The following CHRM2 variants were observed in gnomAD, a reference collection of about 807,000 sequenced individuals.
CHRM2 encodes the protein muscarinic acetylcholine receptor M2.
Under a neutral mutation model 25.0 loss-of-function variants are expected in CHRM2, and 8 were observed. The observed-to-expected ratio is 0.32, with a 90% CI of 0.19 to 0.58. CHRM2 has a LOEUF of 0.58. Ranked by LOEUF, CHRM2 falls within the 20% of genes least tolerant of loss-of-function variation. CHRM2 has a pLI of 0.88. For synonymous variants in CHRM2, 202 were observed against 205.7 expected, an observed-to-expected ratio of 0.98 and a Z score of 0.15; for missense variants, 440 against 567.1, an observed-to-expected ratio of 0.78 and a Z score of 2.28.
intron 2 of CHRM2, among the ~76,000 whole-genome samples, chr7:136,928,963 G>A (rs1798899130): frequency 6.6e-6 from 1 of 152,128 alleles, no homozygotes; most frequent in Non-Finnish European, 1.5e-5. Flanking sequence ...TTTGATGAGG[G>A]TGTAAAGCGC....
chr7:136,987,112 C>CT (rs1717593576), intron 2 of CHRM2, among the ~76,000 whole-genome samples: 1 of 143,360 alleles, frequency 7.0e-6, no homozygotes, highest in Admixed American at 7.0e-5. Flanking sequence ...GGTATCCTTT[C>CT]TTTTTTATTT....
At chr7:136,929,032 C>A (rs1452557834) in intron 2 of CHRM2, among the ~76,000 whole-genome samples, 1 of 152,080 alleles carries the variant, frequency 6.6e-6, no homozygotes, top group African/African-American at 2.4e-5. Context: ...GGCTTCCATT[C>A]CCCTCCTCTT....
intron 3 of CHRM2, among the ~76,000 whole-genome samples, chr7:137,004,685 C>T (rs1022153607): frequency 1.3e-5 from 2 of 152,142 alleles, no homozygotes; most frequent in African/African-American, 4.8e-5. Context: ...ACCACATAAA[C>T]CTCTTCATTC....
intron 2 of CHRM2, among the ~76,000 whole-genome samples, chr7:136,885,750 A>G (rs148230499): frequency 7.7e-4 from 117 of 152,334 alleles, no homozygotes; most frequent in African/African-American, 2.7e-3. Context: ...AATCAGAGAC[A>G]TTAAAACTCC....
At chr7:136,958,120 A>G (rs922810874) in intron 2 of CHRM2, among the ~76,000 whole-genome samples, 1 of 152,322 alleles carries the variant, frequency 6.6e-6, no homozygotes, top group South Asian at 2.1e-4. Flanking sequence ...GCAAATTATT[A>G]CCAGCACATT....
intron 2 of CHRM2, among the ~76,000 whole-genome samples, chr7:136,953,322 G>T (rs958238176): frequency 6.6e-6 from 1 of 152,024 alleles, no homozygotes; most frequent in Non-Finnish European, 1.5e-5. Flanking sequence ...TAAATTTCTG[G>T]TAGTGACAAA....
chr7:136,877,308 G>C (rs1796087219), intron 2 of CHRM2, among the ~76,000 whole-genome samples: 1 of 152,020 alleles, frequency 6.6e-6, no homozygotes, highest in Non-Finnish European at 1.5e-5. Flanking sequence ...AGGAAACCTA[G>C]ATACCTGTGT....
intron 2 of CHRM2, among the ~76,000 whole-genome samples, chr7:136,949,425 T>G (rs1800258925): frequency 7.1e-6 from 1 of 140,912 alleles, no homozygotes; most frequent in Non-Finnish European, 1.5e-5. Flanking sequence ...AAGACCAGAT[T>G]GGGCAACATA....
At chr7:136,982,581 G>A (rs909206957) in intron 2 of CHRM2, among the ~76,000 whole-genome samples, 3 of 152,074 alleles carry the variant, frequency 2.0e-5, no homozygotes, top group East Asian at 1.9e-4. Context: ...GGCTGGTACC[G>A]GTTTTTCCTT....
chr7:137,017,816 T>C lies in CHRM2; in HGVS notation c.*1550T>C, dbSNP rs1805260343. 6.6e-6 allele frequency: 1 copy of C among 151,954 alleles called. No homozygotes were observed. The highest frequency in any genetic ancestry group is 2.4e-5 in the African/African-American group (1 of 41,420). The allele number at this position is 151,954 out of a possible 1,614,324, so 9.4% of individuals were successfully genotyped here. A position where few individuals can be genotyped will look rare whatever the true frequency, so the allele number is the denominator to read the frequency against. ...ACCATAATAATCATGTCAGGAACTATTATCTAAGTGGTGGCATTATATAGA... is the reference window on the plus strand; with the variant it reads ...ACCATAATAATCATGTCAGGAACTACTATCTAAGTGGTGGCATTATATAGA... On this transcript the variant is annotated 3_prime_UTR_variant, in exon 4 of 4. Transcript: ENST00000680005.
At chr7:137,010,293 C>T (rs1804716722) in intron 3 of CHRM2, among the ~76,000 whole-genome samples, 2 of 152,136 alleles carry the variant, frequency 1.3e-5, no homozygotes, top group Non-Finnish European at 1.5e-5. Flanking sequence ...AAACTGAGGG[C>T]AGAAACATTG....
At chr7:136,943,507 T>A (rs1156750370) in intron 2 of CHRM2, among the ~76,000 whole-genome samples, 1 of 152,214 alleles carries the variant, frequency 6.6e-6, no homozygotes, top group East Asian at 1.9e-4. Flanking sequence ...ATGAGTTATA[T>A]AATTATGTTA....
At chr7:136,944,479 G>A (rs115908884) in intron 2 of CHRM2, among the ~76,000 whole-genome samples, 34,361 of 123,654 alleles carry the variant, frequency 0.28, 5,066 homozygotes, top group Non-Finnish European at 0.41. Context: ...ATGTATGTGT[G>A]TGTGTGTGTA....
At chr7:136,880,470 T>C (rs945180083) in intron 2 of CHRM2, among the ~76,000 whole-genome samples, 3 of 151,976 alleles carry the variant, frequency 2.0e-5, no homozygotes, top group African/African-American at 7.2e-5. Flanking sequence ...CATTTTAAAA[T>C]TATTATTTCT....
chr7:136,870,625 T>C (rs1335791121), intron 2 of CHRM2: 1 of 152,640 alleles, frequency 6.6e-6, no homozygotes, highest in African/African-American at 2.4e-5. Flanking sequence ...GGCTCTTGCA[T>C]GTACGGAAAT....
intron 2 of CHRM2, among the ~76,000 whole-genome samples, chr7:136,908,222 G>A (rs2350780): frequency 0.64 from 97,703 of 151,666 alleles, 31,979 homozygotes; most frequent in African/African-American, 0.73. Context: ...TATCTTGTAC[G>A]TCCAGCAGAA....
chr7:136,894,169 A>G (rs929373247), intron 2 of CHRM2, among the ~76,000 whole-genome samples: 1 of 152,196 alleles, frequency 6.6e-6, no homozygotes, highest in African/African-American at 2.4e-5. Flanking sequence ...TTAGAATGAT[A>G]AAAACAGAAG....
chr7:137,017,055 A>G lies in CHRM2; in HGVS notation c.*789A>G, dbSNP rs1265612038. The stretch of plus-strand genomic sequence containing the variant: ...TGTGTCCTTTGCATTCGTTGGGGAT[A>G]TCAAGGTCTATAAGGATTTAGTGCA... On this transcript the variant is annotated 3_prime_UTR_variant, in exon 4 of 4. Coordinates refer to ENST00000680005, the MANE Select transcript of CHRM2 (RefSeq NM_001006630.2). 1 of 161,270 alleles carries G rather than the reference A, an allele frequency of 6.2e-6. No individual in the cohort carries two copies. The allele number at this position is 161,270 out of a possible 1,614,324, so 10.0% of individuals were successfully genotyped here.
chr7:137,012,825 T>C (rs1804910704), intron 3 of CHRM2, among the ~76,000 whole-genome samples: 1 of 152,016 alleles, frequency 6.6e-6, no homozygotes, highest in Non-Finnish European at 1.5e-5. Context: ...GACAAGTGTT[T>C]CTTAATACAT....
Sources: gnomAD v4.1 joint callset for allele counts (sites outside exome capture counted in the v4.1 genomes callset) on GRCh38, gnomAD v4.1.1 for gene constraint, MANE v1.5 for transcripts, NCBI Gene and HGNC (gene_info 2026-07-23, HGNC 2026-07-21) for gene names.